Variants in KIAA1549L observed in about 807,000 individuals in gnomAD.
KIAA1549L encodes KIAA1549 like, also known as UPF0606 protein KIAA1549L.
A neutral mutation model predicts 160.7 loss-of-function variants in KIAA1549L; 88 were observed. The ratio of observed to expected loss-of-function variants is 0.55; its 90% confidence interval spans 0.46 to 0.65. The LOEUF (loss-of-function observed/expected upper bound fraction) is 0.65. Among genes scored for constraint, KIAA1549L ranks in the 30% least tolerant of loss-of-function variants. The pLI is 0.00. For synonymous variants in KIAA1549L, 950 were observed against 976.7 expected (o/e 0.97, Z 0.51); for missense variants, 2,258 against 2,437.5 (o/e 0.93, Z 1.55).
intron 1 of KIAA1549L, among the ~76,000 whole-genome samples, chr11:33,485,334 A>G (rs901042091): frequency 2.6e-5 from 4 of 152,178 alleles, no homozygotes; most frequent in African/African-American, 9.7e-5. Flanking sequence ...TACAAAATGC[A>G]TGTTCAATCT....
Position 33,407,413 on chromosome 11 carries a change from C to T in KIAA1549L, c.238+30524C>T, listed in dbSNP as rs896538166. 2.0e-5 allele frequency among the ~76,000 whole-genome samples: 3 copies of T among 152,102 alleles called. 1 individual carries two copies. The highest frequency in any genetic ancestry group is 2.0e-4 in the Admixed American group (3 of 15,270). On this transcript the variant is annotated intron_variant, in intron 1 of 20. Coordinates refer to ENST00000658780, the MANE Select transcript of KIAA1549L (RefSeq NM_012194.3). ...CTGGAGTGCGGTGGCATGATCTTGG[C>T]TCACTGCAACCTCTGCCTCCCGGGT...
chr11:33,501,705 TTAA>T (rs748164134), intron 1 of KIAA1549L, among the ~76,000 whole-genome samples: 1 of 151,608 alleles, frequency 6.6e-6, no homozygotes, highest in Non-Finnish European at 1.5e-5. Context: ...GTGTAGATGG[TTAA>T]TAATAATAAT....
chr11:33,389,248 C>T (rs910676355), intron 1 of KIAA1549L, among the ~76,000 whole-genome samples: 5 of 152,140 alleles, frequency 3.3e-5, no homozygotes, highest in Non-Finnish European at 4.4e-5. Flanking sequence ...TAATGAATGC[C>T]GTTCCCCTGT....
chr11:33,553,968 AG>A (rs1854560901), intron 6 of KIAA1549L, among the ~76,000 whole-genome samples: 1 of 152,216 alleles, frequency 6.6e-6, no homozygotes. Context: ...AATAGATTTT[AG>A]ATGCTCTTGA....
chr11:33,419,915 T>C lies in KIAA1549L; in HGVS notation c.238+43026T>C, dbSNP rs542901669. On this transcript the variant is annotated intron_variant, in intron 1 of 20. Transcript: ENST00000658780. ...ATACATACATACATACATATATATA[T>C]ATGAATAGCTTTATTTTTTTCAGCA... Among the ~76,000 whole-genome samples, 439 of 145,778 alleles carry C rather than the reference T, an allele frequency of 3.0e-3. 1 individual carries two copies. Among genetic ancestry groups the C allele is most frequent in the East Asian group, 0.014 (71 of 5,088 alleles).
intron 1 of KIAA1549L, among the ~76,000 whole-genome samples, chr11:33,480,588 TG>T (rs971428373): frequency 2.0e-5 from 3 of 152,222 alleles, no homozygotes; most frequent in Non-Finnish European, 2.9e-5. Context: ...GATGGTGATT[TG>T]TATCCCTAAG....
At chr11:33,657,902 G>C (rs1316181055) in intron 18 of KIAA1549L, among the ~76,000 whole-genome samples, 1 of 152,248 alleles carries the variant, frequency 6.6e-6, no homozygotes, top group Non-Finnish European at 1.5e-5. Context: ...GACAGCCACT[G>C]CTTAGCTCAG....
At chr11:33,468,211 T>A (rs1590267646) in intron 1 of KIAA1549L, among the ~76,000 whole-genome samples, 2 of 152,258 alleles carry the variant, frequency 1.3e-5, no homozygotes, top group African/African-American at 4.8e-5. Context: ...CAAAGGGAAC[T>A]GCTGATTTTA....
intron 14 of KIAA1549L, 68 bp from the exon 15 acceptor site, chr11:33,609,681 T>C (rs1850595784): frequency 1.6e-6 from 2 of 1,261,768 alleles, no homozygotes; most frequent in African/African-American, 3.0e-5. Context: ...GATAACCTCC[T>C]GGTGAAAGTC....
At chr11:33,479,216 G>A (rs1430417889) in intron 1 of KIAA1549L, among the ~76,000 whole-genome samples, 2 of 152,158 alleles carry the variant, frequency 1.3e-5, no homozygotes, top group Non-Finnish European at 2.9e-5. Flanking sequence ...GGGGTTCCTG[G>A]GCTAGGTGCC....
At chr11:33,612,851 G>A (rs192256278) in intron 15 of KIAA1549L, among the ~76,000 whole-genome samples, 75 of 152,244 alleles carry the variant, frequency 4.9e-4, no homozygotes, top group African/African-American at 1.7e-3. Flanking sequence ...GAGAACATAT[G>A]GTATTTGGTT....
intron 1 of KIAA1549L, among the ~76,000 whole-genome samples, chr11:33,394,468 TAAAA>T (rs1369314369): frequency 6.6e-6 from 1 of 152,116 alleles, no homozygotes; most frequent in Non-Finnish European, 1.5e-5. Flanking sequence ...AAACATCACT[TAAAA>T]ATCAAGAGCT....
intron 1 of KIAA1549L, among the ~76,000 whole-genome samples, chr11:33,417,301 T>C (rs377677984): frequency 1.3e-5 from 2 of 152,112 alleles, no homozygotes; most frequent in African/African-American, 4.8e-5. Flanking sequence ...GCACACAGCA[T>C]GCGCATGACA....
chr11:33,640,396 G>GA (rs1477810216), intron 16 of KIAA1549L, among the ~76,000 whole-genome samples: 1 of 152,128 alleles, frequency 6.6e-6, no homozygotes, highest in Non-Finnish European at 1.5e-5. Flanking sequence ...CACCTCTCTT[G>GA]AAAATCTCAC....
intron 12 of KIAA1549L, among the ~76,000 whole-genome samples, chr11:33,597,337 T>C (rs1334430483): frequency 6.6e-6 from 1 of 151,974 alleles, no homozygotes; most frequent in African/African-American, 2.4e-5. Context: ...GGTATTAAAG[T>C]GTACAGACTG....
chr11:33,465,039 CCTT>C (rs1852023559), intron 1 of KIAA1549L, among the ~76,000 whole-genome samples: 2 of 145,744 alleles, frequency 1.4e-5, no homozygotes, highest in African/African-American at 5.2e-5. Flanking sequence ...TCGCATGGGA[CCTT>C]CTTCTTTTTT....
chr11:33,531,212 G>A (rs562662273), intron 1 of KIAA1549L, among the ~76,000 whole-genome samples: 6 of 152,186 alleles, frequency 3.9e-5, no homozygotes, highest in African/African-American at 1.4e-4. Context: ...GGTGGCTCAC[G>A]CCTGTAATCC....
chr11:33,598,844 T>C lies in KIAA1549L; in HGVS notation c.4776T>C (p.Ser1592=). The change falls in exon 13 of 21, where the codon TCT becomes TCC. Residue 1592 remains serine, a synonymous_variant. Coordinates refer to ENST00000658780, the MANE Select transcript of KIAA1549L (RefSeq NM_012194.3). ...RKSRSPSENG[S]VISNESGKPS... is the part of the protein sequence containing the mutation. The stretch of plus-strand genomic sequence containing the variant: ...GCAGGTCGCCCAGTGAGAATGGCTC[T>C]GTCATCAGCAACGAATCAGGGAAGC... 1.2e-6 allele frequency: 2 copies of C among 1,613,980 alleles called. No homozygotes were observed. The highest frequency in any genetic ancestry group is 1.1e-5 in the South Asian group (1 of 91,080).
chr11:33,659,165 T>C (rs117846045), intron 19 of KIAA1549L, among the ~76,000 whole-genome samples: 2,242 of 152,316 alleles, frequency 0.015, 25 homozygotes, highest in Middle Eastern at 0.027. Context: ...TTCAATTTTT[T>C]TGGTTTTGTC....
Sources: gnomAD v4.1 joint callset for allele counts (sites outside exome capture counted in the v4.1 genomes callset) on GRCh38, gnomAD v4.1.1 for gene constraint, MANE v1.5 for transcripts, NCBI Gene and HGNC (gene_info 2026-07-23, HGNC 2026-07-21) for gene names.